The following DIS3L2 variants were observed in gnomAD, a reference collection of about 807,000 sequenced individuals.
DIS3L2 encodes the protein DIS3 like 3'-5' exoribonuclease 2.
A neutral mutation model predicts 97.5 loss-of-function variants in DIS3L2; 34 were observed. The ratio of observed to expected loss-of-function variants is 0.35; its 90% CI spans 0.27 to 0.46. The LOEUF is 0.46. Among genes scored for constraint, DIS3L2 ranks in the 20% least tolerant of loss-of-function variants. The probability of loss-of-function intolerance (pLI) is 1.00; values close to 1 mark genes in which losing one functional copy is unlikely to be tolerated. For synonymous variants in DIS3L2, 435 were observed against 445.2 expected, an observed-to-expected ratio of 0.98 and a Z score of 0.29; for missense variants, 1,038 against 1,146.0, an observed-to-expected ratio of 0.91 and a Z score of 1.36.
chr2:231,966,641 ATTTTTTTTTTTTTTTT>A lies in DIS3L2; in HGVS notation c.-94+4895_-94+4910del, dbSNP rs36151054. Among the ~76,000 whole-genome samples, 156 of 50,416 alleles carry A rather than the reference ATTTTTTTTTTTTTTTT, an allele frequency of 3.1e-3. 1 individual carries two copies. Among genetic ancestry groups the A allele is most frequent in the Middle Eastern group, 0.022 (1 of 46 alleles). The allele number at this position is 50,416 out of a possible 152,430, so 33.1% of individuals were successfully genotyped here. ...CACCATGCCCAGCTAGTTAAAAAAC[ATTTTTTTTTTTTTTTT>A]TTTTTTTTTTTTTTTTTTGTGGAGA... is the stretch of plus-strand genomic sequence containing the variant. On this transcript the variant is annotated intron_variant, in intron 1 of 20. Coordinates refer to ENST00000325385, the MANE Select transcript of DIS3L2 (RefSeq NM_152383.5).
intron 5 of DIS3L2, among the ~76,000 whole-genome samples, chr2:232,068,995 G>A (rs1574850222): frequency 6.6e-6 from 1 of 151,630 alleles, no homozygotes; most frequent in African/African-American, 2.4e-5. Context: ...TTTTATATTT[G>A]TATTAGAGAC....
chr2:232,269,131 C>T lies in DIS3L2; in HGVS notation c.1659+5691C>T, dbSNP rs1457691193. ...ATGCTGGCTCTGCCTCGTGTAGGTG[C>T]GCTGAAGGTGGGGACTGCTCATGGC... On this transcript the variant is annotated intron_variant, in intron 13 of 20. Transcript: ENST00000325385. This position sits in a 1 kb window ranked among gnomAD's most constrained non-coding sequence, Gnocchi z 4.5. 6.6e-6 allele frequency among the ~76,000 whole-genome samples: 1 copy of T among 152,148 alleles called. No homozygotes were observed. The highest frequency in any genetic ancestry group is 1.5e-5 in the Non-Finnish European group (1 of 68,028).
intron 6 of DIS3L2, among the ~76,000 whole-genome samples, chr2:232,119,944 A>C (rs918705347): frequency 2.6e-5 from 4 of 152,206 alleles, no homozygotes. Flanking sequence ...TTCCTCTCTT[A>C]TTCCTTGGGT....
At chr2:232,110,689 G>A (rs1480546257) in intron 6 of DIS3L2, among the ~76,000 whole-genome samples, 1 of 152,086 alleles carries the variant, frequency 6.6e-6, no homozygotes, top group African/African-American at 2.4e-5. Context: ...TACACACCGG[G>A]GCCTGTCAGA....
Position 232,037,868 on chromosome 2 carries a change from C to T in DIS3L2, c.366+7788C>T, listed in dbSNP as rs1016053676. Among the ~76,000 whole-genome samples the T allele has an allele frequency of 2.0e-5, 3 of 152,246 alleles. No homozygotes were observed. The highest frequency in any genetic ancestry group is 4.4e-5 in the Non-Finnish European group (3 of 68,046). On this transcript the variant is annotated intron_variant, in intron 5 of 20. Transcript: ENST00000325385. The surrounding 1 kb of genome is among the most constrained non-coding windows in gnomAD (Gnocchi z 4.6). ...GCTTGCCCTCCGTGGGCTGCACCCA[C>T]TGGCTAACCAGTCCCAGTGAGATGA...
At chr2:231,970,016 G>C (rs1019633273) in intron 1 of DIS3L2, among the ~76,000 whole-genome samples, 1 of 151,976 alleles carries the variant, frequency 6.6e-6, no homozygotes, top group Non-Finnish European at 1.5e-5. Context: ...CATGACTGTG[G>C]TTCACAGTAG....
At chr2:232,102,107 A>C (rs1371149413) in intron 6 of DIS3L2, among the ~76,000 whole-genome samples, 1 of 152,222 alleles carries the variant, frequency 6.6e-6, no homozygotes, top group African/African-American at 2.4e-5. Context: ...TGCATTATTG[A>C]ATATCATTGT....
intron 3 of DIS3L2, among the ~76,000 whole-genome samples, chr2:232,020,501 C>T (rs1694483348): frequency 6.6e-6 from 1 of 152,038 alleles, no homozygotes; most frequent in African/African-American, 2.4e-5. Flanking sequence ...GCTGAGTTTT[C>T]GAATTGAGCA....
chr2:232,237,320 G>A (rs536078331), intron 10 of DIS3L2, among the ~76,000 whole-genome samples: 1 of 152,258 alleles, frequency 6.6e-6, no homozygotes, highest in South Asian at 2.1e-4. Context: ...CTGGTAGGGA[G>A]GGCAGGGCCT....
intron 8 of DIS3L2, among the ~76,000 whole-genome samples, chr2:232,149,184 C>T (rs938035342): frequency 6.9e-5 from 10 of 143,972 alleles, no homozygotes; most frequent in African/African-American, 1.4e-4. Context: ...TTCATTCCAG[C>T]GCTTAAAAGT....
chr2:232,278,521 T>TAA (rs1694204412), intron 13 of DIS3L2, among the ~76,000 whole-genome samples: 1 of 152,186 alleles, frequency 6.6e-6, no homozygotes, highest in Non-Finnish European at 1.5e-5. Context: ...TGCCTCTTTA[T>TAA]AGTTTTGCCT....
At chr2:232,224,235 G>A (rs891598889) in intron 10 of DIS3L2, among the ~76,000 whole-genome samples, 1 of 152,224 alleles carries the variant, frequency 6.6e-6, no homozygotes, top group Non-Finnish European at 1.5e-5. Context: ...AGATGTTACT[G>A]CTGTGTAGTG....
At chr2:232,323,935 AC>A (rs1452740146) in intron 14 of DIS3L2, among the ~76,000 whole-genome samples, 3 of 150,720 alleles carry the variant, frequency 2.0e-5, no homozygotes, top group Admixed American at 6.6e-5. Context: ...ACCCAGCCCC[AC>A]CCGGCCTGGC....
chr2:232,001,105 T>C (rs772247099), intron 1 of DIS3L2, among the ~76,000 whole-genome samples: 3 of 152,154 alleles, frequency 2.0e-5, no homozygotes, highest in Non-Finnish European at 2.9e-5. Flanking sequence ...GGTAGTTCTG[T>C]TTTTAATTTT....
chr2:232,117,809 C>T (rs1697774094), intron 6 of DIS3L2, among the ~76,000 whole-genome samples: 1 of 152,234 alleles, frequency 6.6e-6, no homozygotes, highest in Non-Finnish European at 1.5e-5. Flanking sequence ...AAAGGCCTCC[C>T]ATTCTTCAAA....
chr2:232,148,739 A>G (rs1280166444), intron 8 of DIS3L2, among the ~76,000 whole-genome samples: 1 of 115,770 alleles, frequency 8.6e-6, no homozygotes, highest in Non-Finnish European at 1.8e-5. Context: ...TTTCTCCTTA[A>G]TTTTCTTTCT....
intron 1 of DIS3L2, among the ~76,000 whole-genome samples, chr2:231,996,974 A>T (rs989942007): frequency 5.9e-5 from 9 of 151,648 alleles, no homozygotes; most frequent in African/African-American, 2.2e-4. Context: ...CCTTTCCCCC[A>T]CCCTGTTGGC....
rs1434538567 is a variant in DIS3L2, at chr2:232,281,092, G to T, written c.1659+17652G>T. On this transcript the variant is annotated intron_variant, in intron 13 of 20. Transcript: ENST00000325385. This position sits in a 1 kb window ranked among gnomAD's most constrained non-coding sequence, Gnocchi z 4.1. The stretch of plus-strand genomic sequence containing the variant: ...AGGGCTGATCTGGAGGAACTTGTTT[G>T]CTCTGCCTTGAAATATGAGTGTTTT... 6.6e-6 allele frequency among the ~76,000 whole-genome samples: 1 copy of T among 152,154 alleles called. No individual in the cohort carries two copies. The highest frequency in any genetic ancestry group is 1.5e-5 in the Non-Finnish European group (1 of 68,012).
chr2:231,975,332 T>C (rs1559507323), intron 1 of DIS3L2, among the ~76,000 whole-genome samples: 1 of 151,960 alleles, frequency 6.6e-6, no homozygotes, highest in Non-Finnish European at 1.5e-5. Flanking sequence ...TATTATTATA[T>C]ATTATATCTC....
Sources: allele counts gnomAD v4.1 joint callset (sites outside exome capture counted in the v4.1 genomes callset), GRCh38; gene constraint gnomAD v4.1.1; non-coding constraint Gnocchi (gnomAD v3.1); transcripts MANE v1.5; gene names NCBI Gene and HGNC (gene_info 2026-07-23, HGNC 2026-07-21).